RPRD1A: variants seen among roughly 807,000 people sequenced by gnomAD.
RPRD1A encodes regulation of nuclear pre-mRNA domain-containing protein 1A.
Under a neutral mutation model 37.8 loss-of-function variants are expected in RPRD1A, and 9 were observed. That is an observed-to-expected ratio of 0.24 (90% CI 0.14 to 0.42). The LOEUF (loss-of-function observed/expected upper bound fraction) is 0.42, where lower values mean the gene tolerates loss of function less well. Ranked by LOEUF, RPRD1A falls within the 10% of genes least tolerant of loss-of-function variation. The pLI is 1.00. For synonymous variants in RPRD1A, 138 were observed against 139.7 expected (o/e 0.99, Z 0.08); for missense variants, 255 against 371.0 (o/e 0.69, Z 2.57).
At chr18:36,021,041 T>C (rs1284431952) in intron 6 of RPRD1A, among the ~76,000 whole-genome samples, 1 of 152,152 alleles carries the variant, frequency 6.6e-6, no homozygotes, top group Non-Finnish European at 1.5e-5. Flanking sequence ...ATTACACGAT[T>C]CCTGAAAAAA....
chr18:36,032,306 T>G (rs1911849697), intron 2 of RPRD1A, among the ~76,000 whole-genome samples: 1 of 152,206 alleles, frequency 6.6e-6, no homozygotes, highest in Non-Finnish European at 1.5e-5. Flanking sequence ...TAAATATTTA[T>G]GCAGCCAATA....
At chr18:36,052,595 T>G (rs1332113287) in intron 1 of RPRD1A, among the ~76,000 whole-genome samples, 1 of 152,040 alleles carries the variant, frequency 6.6e-6, no homozygotes, top group African/African-American at 2.4e-5. Flanking sequence ...TTGGTATCAA[T>G]TCATTTTTGT....
chr18:36,014,599 C>T (rs1331764368), intron 6 of RPRD1A, among the ~76,000 whole-genome samples: 1 of 152,012 alleles, frequency 6.6e-6, no homozygotes, highest in Non-Finnish European at 1.5e-5. Context: ...AACAATTAGC[C>T]GGGTGTGGTG....
rs544542717 is a variant in RPRD1A, at chr18:36,019,997, G to A, written c.789+6903C>T. Among the ~76,000 whole-genome samples, 7 of 152,270 alleles carry A rather than the reference G, an allele frequency of 4.6e-5. No homozygotes were observed. In the South Asian group the frequency reaches 6.2e-4, roughly 14 times the overall value. On this transcript the variant is annotated intron_variant, in intron 6 of 6. Transcript: ENST00000399022. ...AGAGGTTGCAGCGAGCTGAGATCAC[G>A]CCACTGCAGTCCAGCCTGGGTGAGA... is the stretch of plus-strand genomic sequence containing the variant.
chr18:36,028,724 A>AAG (rs1911553510), intron 4 of RPRD1A, among the ~76,000 whole-genome samples: 1 of 152,220 alleles, frequency 6.6e-6, no homozygotes, highest in African/African-American at 2.4e-5. Context: ...GGAACCTACA[A>AAG]AGAGATTTTA....
At chr18:36,025,660 A>G (rs1164994830) in intron 6 of RPRD1A, 29 of 1,288,148 alleles carry the variant, frequency 2.3e-5, no homozygotes, top group Non-Finnish European at 2.7e-5. Flanking sequence ...TCGTTAGAAG[A>G]TACGCCCATG....
At chr18:36,013,607 A>G (rs1910310069) in intron 6 of RPRD1A, among the ~76,000 whole-genome samples, 1 of 152,222 alleles carries the variant, frequency 6.6e-6, no homozygotes, top group African/African-American at 2.4e-5. Context: ...GCTGTTGTCC[A>G]CGGGTGAACA....
intron 6 of RPRD1A, among the ~76,000 whole-genome samples, chr18:35,997,363 C>T (rs942843806): frequency 6.6e-6 from 1 of 151,986 alleles, no homozygotes; most frequent in Non-Finnish European, 1.5e-5. Context: ...ATAGAATACA[C>T]TTTTTAAAAA....
At chr18:36,011,091 T>TC (rs1910150194) in intron 6 of RPRD1A, among the ~76,000 whole-genome samples, 2 of 152,320 alleles carry the variant, frequency 1.3e-5, no homozygotes, top group South Asian at 2.1e-4. Context: ...CTAGAAAATC[T>TC]CCAAGTTTTT....
At chr18:36,056,795 G>A (rs542300973) in intron 1 of RPRD1A, among the ~76,000 whole-genome samples, 32 of 152,182 alleles carry the variant, frequency 2.1e-4, no homozygotes, top group African/African-American at 7.2e-4. Context: ...CACAAGTTAT[G>A]CAAGAGAACC....
chr18:36,031,223 T>G, intron 2 of RPRD1A, 126 bp from the exon 3 acceptor site: 1 of 1,187,300 alleles, frequency 8.4e-7, no homozygotes, highest in South Asian at 1.9e-5. Flanking sequence ...TGTCCAAATG[T>G]CTACTTAGCA....
At chr18:36,015,958 T>G (rs1910541557) in intron 6 of RPRD1A, among the ~76,000 whole-genome samples, 1 of 152,240 alleles carries the variant, frequency 6.6e-6, no homozygotes, top group African/African-American at 2.4e-5. Context: ...AAATTTTATG[T>G]GTATTTTACC....
At chr18:36,063,547 A>T (rs2088957643) in intron 1 of RPRD1A, among the ~76,000 whole-genome samples, 1 of 152,236 alleles carries the variant, frequency 6.6e-6, no homozygotes, top group Non-Finnish European at 1.5e-5. Context: ...AAGAATGCCT[A>T]GCTTAACACA....
chr18:36,041,012 A>C (rs1357794332), intron 1 of RPRD1A: 2 of 499,358 alleles, frequency 4.0e-6, no homozygotes, highest in East Asian at 3.4e-5. Context: ...TTAATGCAGA[A>C]TACTACTACA....
intron 6 of RPRD1A, among the ~76,000 whole-genome samples, chr18:36,012,952 A>C (rs1598609945): frequency 6.6e-6 from 1 of 152,208 alleles, no homozygotes; most frequent in Non-Finnish European, 1.5e-5. Context: ...CATCACTCCA[A>C]ATCATTTTAA....
In RPRD1A at chr18:36,057,941, C is replaced by T. The variant is rs72884947; in HGVS notation, c.151+9313G>A. On this transcript the variant is annotated intron_variant, in intron 1 of 6. Coordinates refer to ENST00000399022, the MANE Select transcript of RPRD1A (RefSeq NM_018170.5). Reference sequence around the variant, plus strand: ...ATTTGCCTGGCTGATATGTAAGCTCCATGAACACAGCTGTATGTCCCTTTA... The same window carrying T: ...ATTTGCCTGGCTGATATGTAAGCTCTATGAACACAGCTGTATGTCCCTTTA... Among the ~76,000 whole-genome samples, 294 of 152,338 alleles carry T rather than the reference C, an allele frequency of 1.9e-3. 1 individual carries two copies. Among genetic ancestry groups the T allele is most frequent in the Middle Eastern group, 0.014 (4 of 294 alleles).
At chr18:36,060,416 A>T (rs1371527545) in intron 1 of RPRD1A, among the ~76,000 whole-genome samples, 1 of 152,142 alleles carries the variant, frequency 6.6e-6, no homozygotes. Context: ...CCTGGGCAAC[A>T]AAGCGAGACT....
intron 1 of RPRD1A, among the ~76,000 whole-genome samples, chr18:36,038,819 G>A (rs769888525): frequency 6.6e-6 from 1 of 152,210 alleles, no homozygotes; most frequent in Non-Finnish European, 1.5e-5. Context: ...GAGCTTTAAG[G>A]TTTAATGGCT....
chr18:36,013,286 A>AT (rs1910293807), intron 6 of RPRD1A, among the ~76,000 whole-genome samples: 1 of 152,238 alleles, frequency 6.6e-6, no homozygotes, highest in African/African-American at 2.4e-5. Flanking sequence ...GTAAGGAAGA[A>AT]TTAGTATAAC....
Sources: gnomAD v4.1 joint callset for allele counts (sites outside exome capture counted in the v4.1 genomes callset) on GRCh38, gnomAD v4.1.1 for gene constraint, MANE v1.5 for transcripts, NCBI Gene and HGNC (gene_info 2026-07-23, HGNC 2026-07-21) for gene names.